TMEM51: variants seen among roughly 807,000 people sequenced by gnomAD.
TMEM51 encodes the protein chromosome 1 open reading frame 72.
A neutral mutation model predicts 13.6 loss-of-function variants in TMEM51; 8 were observed. The ratio of observed to expected loss-of-function variants is 0.59; its 90% CI spans 0.35 to 1.07. The LOEUF is 1.07. Ranked by LOEUF, TMEM51 falls within the 50% of genes least tolerant of loss-of-function variation. The probability of loss-of-function intolerance (pLI) is 0.02; values close to 1 mark genes in which losing one functional copy is unlikely to be tolerated. For missense variants in TMEM51, 279 were observed against 330.7 expected (o/e 0.84, Z 1.21); for synonymous variants, 147 against 144.4 (o/e 1.02, Z -0.13).
At chr1:15,186,504 A>G (rs1471846549) in intron 1 of TMEM51, among the ~76,000 whole-genome samples, 1 of 152,230 alleles carries the variant, frequency 6.6e-6, no homozygotes. Context: ...TTTTGACCCT[A>G]GATGAGGAAA....
intron 1 of TMEM51, among the ~76,000 whole-genome samples, chr1:15,166,436 C>T (rs1179387780): frequency 6.6e-6 from 1 of 152,280 alleles, no homozygotes; most frequent in East Asian, 1.9e-4. Context: ...AATACTCACC[C>T]AAGGCTGGGC....
chr1:15,216,405 A>G (rs1273280055), intron 3 of TMEM51, among the ~76,000 whole-genome samples: 2 of 152,234 alleles, frequency 1.3e-5, no homozygotes, highest in East Asian at 3.8e-4. Context: ...TGTTCAACCA[A>G]TAGATGTTCA....
intron 1 of TMEM51, among the ~76,000 whole-genome samples, chr1:15,187,301 C>T (rs948125535): frequency 1.3e-5 from 2 of 152,086 alleles, no homozygotes; most frequent in Non-Finnish European, 1.5e-5. Context: ...TCCTCCCCTG[C>T]GCTTCCACAG....
At chr1:15,200,119 T>C (rs536928056) in intron 1 of TMEM51, among the ~76,000 whole-genome samples, 2 of 151,842 alleles carry the variant, frequency 1.3e-5, no homozygotes, top group Non-Finnish European at 2.9e-5. Flanking sequence ...GGCCTTTACA[T>C]AGGGGATCAA....
intron 1 of TMEM51, among the ~76,000 whole-genome samples, chr1:15,172,201 A>C (rs905466318): frequency 6.6e-6 from 1 of 151,490 alleles, no homozygotes; most frequent in Non-Finnish European, 1.5e-5. Flanking sequence ...ACATGGCAAA[A>C]CTCCATTTCT....
rs150901045 is a variant in TMEM51 at position 15,159,438 on chromosome 1, C to T, written c.-267+5484C>T. Reference sequence around the variant, plus strand: ...CTAGGAATTCATGTTTATCCTAAAGCCTGTCGCTCTCGTGCCAACAACCCA... The same window carrying T: ...CTAGGAATTCATGTTTATCCTAAAGTCTGTCGCTCTCGTGCCAACAACCCA... On this transcript the variant is annotated intron_variant, in intron 1 of 3. Coordinates refer to ENST00000376008, the MANE Select transcript of TMEM51 (RefSeq NM_001136218.2). Among the ~76,000 whole-genome samples the T allele has an allele frequency of 7.1e-4, 108 of 152,376 alleles. 1 individual carries two copies. The East Asian group carries it at 0.02, about 28-fold the overall frequency.
intron 1 of TMEM51, among the ~76,000 whole-genome samples, chr1:15,157,026 G>C (rs1033575501): frequency 2.0e-5 from 3 of 152,176 alleles, no homozygotes; most frequent in African/African-American, 4.8e-5. Flanking sequence ...CGCTGCCATG[G>C]CCACCCCTCC....
chr1:15,183,406 G>A (rs533053352), intron 1 of TMEM51, among the ~76,000 whole-genome samples: 7 of 152,240 alleles, frequency 4.6e-5, no homozygotes, highest in East Asian at 3.9e-4. Context: ...CAGGTACCCC[G>A]ATTCTGCCGA....
chr1:15,180,904 T>C (rs1643595875), intron 1 of TMEM51, among the ~76,000 whole-genome samples: 1 of 152,210 alleles, frequency 6.6e-6, no homozygotes, highest in African/African-American at 2.4e-5. Context: ...GGAGCTGGGA[T>C]TGAAACTTGG....
At chr1:15,175,803 C>A (rs1485099166) in intron 1 of TMEM51, among the ~76,000 whole-genome samples, 23 of 152,180 alleles carry the variant, frequency 1.5e-4, no homozygotes, top group Non-Finnish European at 1.5e-5. Context: ...CCCCATGATT[C>A]AGTTATCTTC....
At chr1:15,213,348 C>G (rs1482352533) in intron 2 of TMEM51, among the ~76,000 whole-genome samples, 1 of 152,180 alleles carries the variant, frequency 6.6e-6, no homozygotes. Context: ...CATGGTTTCA[C>G]AAGAAAATAT....
chr1:15,213,099 T>G (rs945397666), intron 2 of TMEM51, among the ~76,000 whole-genome samples: 6 of 152,262 alleles, frequency 3.9e-5, no homozygotes, highest in African/African-American at 1.4e-4. Flanking sequence ...CTGTACTTCC[T>G]TCTTACTTTA....
chr1:15,193,053 G>A (rs1380540190), intron 1 of TMEM51, among the ~76,000 whole-genome samples: 6 of 152,218 alleles, frequency 3.9e-5, no homozygotes, highest in Non-Finnish European at 8.8e-5. Context: ...ATTGGGGCGG[G>A]TGCTTAGAGG....
At chr1:15,188,216 T>C (rs72642309) in intron 1 of TMEM51, among the ~76,000 whole-genome samples, 24,807 of 152,126 alleles carry the variant, frequency 0.16, 2,125 homozygotes, top group Non-Finnish European at 0.19. Context: ...TCTCCCCTTG[T>C]GATGACAAGA....
chr1:15,179,689 G>C (rs989848329), intron 1 of TMEM51, among the ~76,000 whole-genome samples: 1 of 152,188 alleles, frequency 6.6e-6, no homozygotes, highest in Non-Finnish European at 1.5e-5. Context: ...GGCTGAAACG[G>C]GAAGGATGGC....
intron 1 of TMEM51, among the ~76,000 whole-genome samples, chr1:15,166,906 C>T (rs1317370138): frequency 1.3e-5 from 2 of 152,270 alleles, no homozygotes; most frequent in East Asian, 3.9e-4. Context: ...GTAGTCTTTC[C>T]TGTCTCCACC....
intron 1 of TMEM51, among the ~76,000 whole-genome samples, chr1:15,195,620 A>G (rs1644032294): frequency 6.6e-6 from 1 of 152,136 alleles, no homozygotes; most frequent in Admixed American, 6.5e-5. Context: ...CTCTTGACTC[A>G]TCGATTCTTC....
chr1:15,180,465 T>C (rs554132259), intron 1 of TMEM51, among the ~76,000 whole-genome samples: 1 of 152,350 alleles, frequency 6.6e-6, no homozygotes, highest in Admixed American at 6.5e-5. Flanking sequence ...AGGCACTCTC[T>C]GATCAGTTTC....
intron 1 of TMEM51, among the ~76,000 whole-genome samples, chr1:15,164,805 T>C (rs1293313480): frequency 7.6e-6 from 1 of 132,244 alleles, no homozygotes; most frequent in South Asian, 2.6e-4. Flanking sequence ...TTTTTTTTTT[T>C]CCTTTTTTTT....
Sources: allele counts gnomAD v4.1 joint callset (sites outside exome capture counted in the v4.1 genomes callset), GRCh38; gene constraint gnomAD v4.1.1; transcripts MANE v1.5; gene names NCBI Gene and HGNC (gene_info 2026-07-23, HGNC 2026-07-21).